RGS6: variants seen among roughly 807,000 people sequenced by gnomAD.
The protein encoded by RGS6 is regulator of G protein signaling 6, also known as regulator of G-protein signaling 6.
RGS6 carries 30 observed loss-of-function variants against 78.5 expected under a neutral mutation model. The ratio of observed to expected loss-of-function variants is 0.38; its 90% CI spans 0.29 to 0.52. The LOEUF is 0.52. RGS6 is among the 20% of genes least tolerant of loss of function. The pLI is 0.85. For synonymous variants in RGS6, 206 were observed against 206.0 expected (o/e 1.00, Z 0.00); for missense variants, 495 against 609.7 (o/e 0.81, Z 1.98).
At chr14:72,452,397 G>A (rs2095518846) in intron 3 of RGS6, among the ~76,000 whole-genome samples, 2 of 152,146 alleles carry the variant, frequency 1.3e-5, no homozygotes, top group South Asian at 2.1e-4. Context: ...AGGCTGTGTC[G>A]GCAGAACTGG....
chr14:72,292,073 G>A (rs190686144), intron 2 of RGS6, among the ~76,000 whole-genome samples: 6 of 152,246 alleles, frequency 3.9e-5, no homozygotes, highest in East Asian at 3.9e-4. Context: ...GTAGGGAGCC[G>A]TGTGATCCAG....
At chr14:72,548,063 C>T (rs145258079) in intron 17 of RGS6, among the ~76,000 whole-genome samples, 40 of 152,202 alleles carry the variant, frequency 2.6e-4, no homozygotes, top group African/African-American at 8.2e-4. Flanking sequence ...GTATATTCAG[C>T]GTCTTCATGG....
At chr14:71,929,618 T>G (rs2087772018), upstream of RGS6, among the ~76,000 whole-genome samples, 1 of 152,238 alleles carries the variant, frequency 6.6e-6, no homozygotes, top group South Asian at 2.1e-4. Context: ...AGAGATATGC[T>G]TTGAGACTAT....
intron 4 of RGS6, among the ~76,000 whole-genome samples, chr14:72,456,465 T>C (rs2095633788): frequency 6.6e-6 from 1 of 152,192 alleles, no homozygotes; most frequent in Admixed American, 6.5e-5. Context: ...AATTTTTTGT[T>C]TTATTTTTTG....
intron 14 of RGS6, among the ~76,000 whole-genome samples, chr14:72,512,090 C>A (rs1344385479): frequency 6.6e-6 from 1 of 152,170 alleles, no homozygotes; most frequent in Non-Finnish European, 1.5e-5. Flanking sequence ...TGAGCCACCC[C>A]TGGGAGTCCT....
rs186530715 is a variant in RGS6, at chr14:72,125,633, A to G, written c.84+160758A>G. Among the ~76,000 whole-genome samples, 422 of 152,168 alleles carry G rather than the reference A, an allele frequency of 2.8e-3. 7 individuals carry two copies. Among genetic ancestry groups the G allele is most frequent in the Admixed American group, 0.023 (352 of 15,282 alleles). ...ATGGAATAAAGAAGCAGTGTGGTCT[A>G]TTGTGGGGGGAAAGGTGATTGGAGG... On this transcript the variant is annotated intron_variant, in intron 2 of 17. Coordinates refer to ENST00000553525, the MANE Select transcript of RGS6 (RefSeq NM_001204424.2).
intron 3 of RGS6, among the ~76,000 whole-genome samples, chr14:72,411,981 G>C (rs993918932): frequency 1.3e-5 from 2 of 152,250 alleles, no homozygotes; most frequent in South Asian, 2.1e-4. Context: ...GTATTTTACC[G>C]AGAATTTTTG....
At chr14:71,877,479 G>A in the RGS6 span, among the ~76,000 whole-genome samples, 44 of 152,290 alleles carry the variant, frequency 2.9e-4, no homozygotes, top group Non-Finnish European at 4.9e-4. Context: ...GACTACTGAA[G>A]CTTGTGCATG....
At chr14:71,933,478 G>T (rs1041662022) in intron 1 of RGS6, among the ~76,000 whole-genome samples, 1 of 152,188 alleles carries the variant, frequency 6.6e-6, no homozygotes, top group Non-Finnish European at 1.5e-5. Context: ...GTGGCTATTC[G>T]CTTGGAGAGG....
In RGS6 at chr14:72,073,156, G is replaced by T. The variant is rs1283752346; in HGVS notation, c.84+108281G>T. Among the ~76,000 whole-genome samples, 6 of 152,308 alleles carry T rather than the reference G, an allele frequency of 3.9e-5. No homozygotes were observed. The South Asian group carries it at 1.0e-3, about 26-fold the overall frequency. ...TTCTTTATGTCTTCATCTGTAAAAT[G>T]GGGATGAATGATAAAAATACTGTCT... is the stretch of plus-strand genomic sequence containing the variant. On this transcript the variant is annotated intron_variant, in intron 2 of 17. Transcript: ENST00000553525.
chr14:71,984,613 C>T (rs1048662261), intron 2 of RGS6, among the ~76,000 whole-genome samples: 6 of 151,858 alleles, frequency 4.0e-5, no homozygotes, highest in Admixed American at 3.9e-4. Context: ...AAACTGATTC[C>T]AGGTGATGGG....
intron 3 of RGS6, among the ~76,000 whole-genome samples, chr14:72,453,780 A>G (rs962937592): frequency 3.9e-5 from 6 of 151,932 alleles, no homozygotes; most frequent in Non-Finnish European, 5.9e-5. Flanking sequence ...ACATGGGCGT[A>G]ATGTCCATGG....
intron 3 of RGS6, among the ~76,000 whole-genome samples, chr14:72,383,213 T>TATACACAC (rs1387301746): frequency 2.4e-4 from 28 of 118,336 alleles, no homozygotes; most frequent in African/African-American, 8.5e-4. Flanking sequence ...TATATATATA[T>TATACACAC]ACACACAAAC....
intron 2 of RGS6, among the ~76,000 whole-genome samples, chr14:72,289,563 C>T (rs947710758): frequency 1.3e-5 from 2 of 152,162 alleles, no homozygotes; most frequent in Non-Finnish European, 2.9e-5. Flanking sequence ...TTACTCAATG[C>T]CTATTATCAT....
chr14:72,473,135 G>A (rs969141517), intron 9 of RGS6, among the ~76,000 whole-genome samples, 182 bp downstream of exon 9: 4 of 152,182 alleles, frequency 2.6e-5, no homozygotes, highest in African/African-American at 9.7e-5. Context: ...ATATATGTAA[G>A]TTCCACCTTT....
chr14:72,192,557 GGGAATTA>G (rs1049940539), intron 2 of RGS6, among the ~76,000 whole-genome samples: 1 of 152,150 alleles, frequency 6.6e-6, no homozygotes, highest in African/African-American at 2.4e-5. Context: ...AAAGGACAAA[GGGAATTA>G]GGAATCTTTT....
chr14:71,986,627 C>T (rs1389129841), intron 2 of RGS6, among the ~76,000 whole-genome samples: 1 of 152,156 alleles, frequency 6.6e-6, no homozygotes, highest in East Asian at 1.9e-4. Flanking sequence ...GGAGGATCAC[C>T]TGAGCCTGGG....
Position 72,562,445 on chromosome 14 carries a change from C to T in RGS6, c.1451C>T (p.Thr484Met), listed in dbSNP as rs781327074. 47 of 1,612,750 alleles carry T rather than the reference C, an allele frequency of 2.9e-5. No individual in the cohort carries two copies. The South Asian group carries it at 4.0e-4, about 14-fold the overall frequency. The change falls in exon 18 of 18, where the codon ACG (threonine) becomes ATG (methionine). Residue 484 changes from threonine to methionine, a missense_variant. Transcript: ENST00000553525. The part of the protein sequence containing the change: ...VGKSLAGKRL[T>M]GLMQSS ...AAGTCGCTGGCGGGCAAGCGCCTCA[C>T]GGGCCTGATGCAGTCCTCCTGACCG... is the stretch of plus-strand genomic sequence containing the variant.
the RGS6 span, among the ~76,000 whole-genome samples, chr14:72,611,910 C>G: frequency 2.0e-5 from 3 of 152,072 alleles, no homozygotes; most frequent in Admixed American, 6.5e-5. Context: ...CGTGATGGCG[C>G]GATACTTGAC....
Sources: allele counts gnomAD v4.1 joint callset (sites outside exome capture counted in the v4.1 genomes callset), GRCh38; gene constraint gnomAD v4.1.1; transcripts MANE v1.5; gene names NCBI Gene and HGNC (gene_info 2026-07-23, HGNC 2026-07-21).